Variants in CDH4 observed in about 807,000 individuals in gnomAD.
CDH4 encodes cadherin 4, also known as cadherin-4.
CDH4 carries 33 observed loss-of-function variants against 86.0 expected under a neutral mutation model. That is an observed-to-expected ratio of 0.38 (90% CI 0.29 to 0.51). The LOEUF (loss-of-function observed/expected upper bound fraction) is 0.51, where lower values mean the gene tolerates loss of function less well. Among genes scored for constraint, CDH4 ranks in the 20% least tolerant of loss-of-function variants. The pLI is 0.86. For missense variants in CDH4, 1,114 were observed against 1,307.4 expected (o/e 0.85, Z 2.28); for synonymous variants, 555 against 549.4 (o/e 1.01, Z -0.14).
chr20:61,347,544 A>C (rs903514439), intron 2 of CDH4, among the ~76,000 whole-genome samples: 1 of 152,242 alleles, frequency 6.6e-6, no homozygotes, highest in African/African-American at 2.4e-5. Context: ...GGAATCATTA[A>C]TGGCAGCTGT....
At chr20:61,800,551 C>T (rs1979775878) in intron 4 of CDH4, among the ~76,000 whole-genome samples, 1 of 152,232 alleles carries the variant, frequency 6.6e-6, no homozygotes, top group South Asian at 2.1e-4. Flanking sequence ...GGTAAAACAC[C>T]TGCCCAAAGA....
chr20:61,570,906 C>T (rs567393794), intron 2 of CDH4, among the ~76,000 whole-genome samples: 4 of 152,274 alleles, frequency 2.6e-5, no homozygotes, highest in South Asian at 4.1e-4. Flanking sequence ...CCTAAGAAAA[C>T]GTCAGTATGG....
intron 2 of CDH4, among the ~76,000 whole-genome samples, chr20:61,418,559 C>T (rs2085159982): frequency 1.3e-5 from 2 of 152,096 alleles, no homozygotes; most frequent in African/African-American, 4.8e-5. Flanking sequence ...TTTTCCTCCC[C>T]AAACCTCTGA....
chr20:61,789,946 G>A (rs755133651), intron 4 of CDH4, among the ~76,000 whole-genome samples: 1 of 152,156 alleles, frequency 6.6e-6, no homozygotes, highest in African/African-American at 2.4e-5. Context: ...TGTAGATTTG[G>A]GCAGGGTTGA....
At chr20:61,729,351 G>A (rs2088151283) in intron 2 of CDH4, among the ~76,000 whole-genome samples, 1 of 152,182 alleles carries the variant, frequency 6.6e-6, no homozygotes. Context: ...GGCCACTGTG[G>A]AAAAGAACTT....
intron 2 of CDH4, among the ~76,000 whole-genome samples, chr20:61,390,894 T>C (rs2084981824): frequency 6.6e-6 from 1 of 152,286 alleles, no homozygotes; most frequent in African/African-American, 2.4e-5. Context: ...AATGAGATCA[T>C]GCGGTCATAG....
In CDH4 at chr20:61,582,390, G is replaced by T. The variant is rs1257032134; in HGVS notation, c.170-161173G>T. Among the ~76,000 whole-genome samples the T allele has an allele frequency of 6.6e-6, 1 of 152,184 alleles. No homozygotes were observed. The highest frequency in any genetic ancestry group is 1.5e-5 in the Non-Finnish European group (1 of 68,024). On this transcript the variant is annotated intron_variant, in intron 2 of 15. Coordinates refer to ENST00000614565, the MANE Select transcript of CDH4 (RefSeq NM_001794.5). This position sits in a 1 kb window ranked among gnomAD's most constrained non-coding sequence, Gnocchi z 4.2. ...GCGTGAGCCCTGGGGCTTTCCCAGG[G>T]CCATCCCCCTGCCTGGGGCCCTGTC... is the stretch of plus-strand genomic sequence containing the variant.
chr20:61,485,590 GGGTACT>G (rs1356049529), intron 2 of CDH4, among the ~76,000 whole-genome samples: 1 of 152,334 alleles, frequency 6.6e-6, no homozygotes, highest in African/African-American at 2.4e-5. Flanking sequence ...AAGGATTGCA[GGGTACT>G]GGTGGGGAGG....
chr20:61,876,178 C>T (rs1015054072), intron 7 of CDH4, among the ~76,000 whole-genome samples: 9 of 152,256 alleles, frequency 5.9e-5, no homozygotes, highest in Non-Finnish European at 1.5e-5. Context: ...AGCGCCGGCA[C>T]CTCTGGGATG....
chr20:61,773,585 C>T (rs1182263338), intron 4 of CDH4, among the ~76,000 whole-genome samples: 1 of 152,192 alleles, frequency 6.6e-6, no homozygotes, highest in Non-Finnish European at 1.5e-5. Flanking sequence ...CAGCGTGCGC[C>T]GTGCCGCGGT....
chr20:61,666,695 C>A (rs966568527), intron 2 of CDH4, among the ~76,000 whole-genome samples: 9 of 152,208 alleles, frequency 5.9e-5, no homozygotes, highest in Non-Finnish European at 1.0e-4. Context: ...GCCCTGAGAA[C>A]CCCCTCCGCC....
At chr20:61,528,367 A>ACTCC (rs1435707032) in intron 2 of CDH4, among the ~76,000 whole-genome samples, 1 of 141,008 alleles carries the variant, frequency 7.1e-6, no homozygotes, top group East Asian at 2.2e-4. Flanking sequence ...AAAGAGCGAG[A>ACTCC]CTCCCTTTCA....
chr20:61,459,371 G>A (rs2145556849), intron 2 of CDH4, among the ~76,000 whole-genome samples: 1 of 152,132 alleles, frequency 6.6e-6, no homozygotes, highest in Middle Eastern at 3.4e-3. Context: ...GCATGATGGA[G>A]CAATGGTGAG....
In CDH4 at chr20:61,807,177, C is replaced by A. The variant is rs1980183777; in HGVS notation, c.576+33995C>A. Among the ~76,000 whole-genome samples the A allele has an allele frequency of 6.6e-6, 1 of 152,212 alleles. No homozygotes were observed. Among genetic ancestry groups the A allele is most frequent in the Non-Finnish European group, 1.5e-5 (1 of 68,030 alleles). The stretch of plus-strand genomic sequence containing the variant: ...GTGCCGGGAGGGCCTCGGGAGGTGC[C>A]TGGTGGGTCCTGCCAGACAGAGGAG... On this transcript the variant is annotated intron_variant, in intron 4 of 15. Transcript: ENST00000614565. The surrounding 1 kb of genome is among the most constrained non-coding windows in gnomAD (Gnocchi z 4.5).
chr20:61,724,712 T>C (rs2088089583), intron 2 of CDH4, among the ~76,000 whole-genome samples: 1 of 152,202 alleles, frequency 6.6e-6, no homozygotes, highest in Non-Finnish European at 1.5e-5. Context: ...GATGGGAAGA[T>C]TCTGTCTTGT....
At position 61,934,164 on chromosome 20, in the gene CDH4, T is replaced by C. The variant is rs1385566366; in HGVS notation, c.2488T>C (p.Tyr830His). ...GCGGCCGGTGGGCGCTGAGCCCCAG[T>C]ACCCGATCAGGCCCATGGTGCCGCA... The part of the protein sequence containing the change: ...DERPVGAEPQ[Y>H]PIRPMVPHPG... The change falls in exon 15 of 16, where the codon TAC becomes CAC. Residue 830 changes from tyrosine (Y) to histidine (H), a missense_variant. Physicochemically the swap from Tyr to His is moderately conservative, Grantham distance 83. This residue lies in a region of CDH4 where 188 missense variants were observed against 183.8 expected (regional missense o/e 1.02). Coordinates refer to ENST00000614565, the MANE Select transcript of CDH4 (RefSeq NM_001794.5). 1 of 1,607,364 alleles carries C rather than the reference T, an allele frequency of 6.2e-7. No individual in the cohort carries two copies. Among genetic ancestry groups the C allele is most frequent in the Non-Finnish European group, 8.5e-7 (1 of 1,176,436 alleles).
At chr20:61,566,364 T>C (rs1372147882) in intron 2 of CDH4, among the ~76,000 whole-genome samples, 1 of 152,232 alleles carries the variant, frequency 6.6e-6, no homozygotes, top group African/African-American at 2.4e-5. Flanking sequence ...TCAGGGACCA[T>C]TTTCAGCTTC....
chr20:61,883,213 C>T (rs1242580254), intron 7 of CDH4, among the ~76,000 whole-genome samples: 1 of 152,156 alleles, frequency 6.6e-6, no homozygotes, highest in Non-Finnish European at 1.5e-5. Context: ...GCAAACAGCC[C>T]TGCCTGCCGC....
intron 2 of CDH4, among the ~76,000 whole-genome samples, chr20:61,697,942 C>T (rs892368212): frequency 6.6e-6 from 1 of 152,252 alleles, no homozygotes; most frequent in African/African-American, 2.4e-5. Context: ...CCCTGCAGAG[C>T]CAGGGCTGGG....
Sources: gnomAD v4.1 joint callset for allele counts (sites outside exome capture counted in the v4.1 genomes callset) on GRCh38, gnomAD v4.1.1 for gene constraint, gnomAD v4.1.1 regional missense constraint, Gnocchi (gnomAD v3.1) non-coding constraint, MANE v1.5 for transcripts, NCBI Gene and HGNC (gene_info 2026-07-23, HGNC 2026-07-21) for gene names.